Variants in RBFOX1 observed in about 807,000 individuals in gnomAD.
The protein encoded by RBFOX1 is RNA binding fox-1 homolog 1, also known as RNA binding protein fox-1 homolog 1.
RBFOX1 carries 8 observed loss-of-function variants against 57.7 expected under a neutral mutation model. That is an observed-to-expected ratio of 0.14 (90% CI 0.08 to 0.25). RBFOX1 has a LOEUF of 0.25. RBFOX1 is among the 10% of genes least tolerant of loss of function. The pLI, the probability that RBFOX1 is intolerant of heterozygous loss-of-function variation, is 1.00. For synonymous variants in RBFOX1, 326 were observed against 222.4 expected, an observed-to-expected ratio of 1.47 and a Z score of -4.15; for missense variants, 611 against 548.5, an observed-to-expected ratio of 1.11 and a Z score of -1.14.
chr16:6,283,853 T>C (rs1402932979), intron 1 of RBFOX1, among the ~76,000 whole-genome samples: 1 of 152,224 alleles, frequency 6.6e-6, no homozygotes, highest in Non-Finnish European at 1.5e-5. Flanking sequence ...AATGGCACTT[T>C]TAATTTATTT....
chr16:6,747,628 C>T lies in RBFOX1; in HGVS notation c.-16+92978C>T, dbSNP rs145907884. On this transcript the variant is annotated intron_variant, in intron 3 of 15. Coordinates refer to ENST00000550418, the MANE Select transcript of RBFOX1 (RefSeq NM_018723.4). ...TCTTTAAACATCTCAGATATTGTCT[C>T]TTGTATAAAAAGTAAAAGTTGCTAT... 1.3e-5 allele frequency among the ~76,000 whole-genome samples: 2 copies of T among 152,226 alleles called. 1 individual carries two copies. Among genetic ancestry groups the T allele is most frequent in the South Asian group, 4.1e-4 (2 of 4,822 alleles).
chr16:6,901,181 T>C (rs1314875047), intron 3 of RBFOX1, among the ~76,000 whole-genome samples: 1 of 152,118 alleles, frequency 6.6e-6, no homozygotes, highest in Non-Finnish European at 1.5e-5. Flanking sequence ...CTAACATAGG[T>C]ATTCAATAAA....
At chr16:5,820,773 G>A (rs1437762742) in intron 3 of RBFOX1, among the ~76,000 whole-genome samples, 1 of 152,096 alleles carries the variant, frequency 6.6e-6, no homozygotes, top group Non-Finnish European at 1.5e-5. Flanking sequence ...GCCTCACAGG[G>A]GTTTAAGACG....
intron 3 of RBFOX1, among the ~76,000 whole-genome samples, chr16:6,658,614 C>T (rs1339071440): frequency 6.6e-6 from 1 of 152,146 alleles, no homozygotes; most frequent in African/African-American, 2.4e-5. Flanking sequence ...TTATCCTCTC[C>T]TGTTTTTCTA....
At chr16:7,213,780 T>C (rs1269500013) in intron 4 of RBFOX1, among the ~76,000 whole-genome samples, 1 of 152,164 alleles carries the variant, frequency 6.6e-6, no homozygotes, top group Admixed American at 6.5e-5. Flanking sequence ...ATAAACCAAC[T>C]CAAATCTACT....
intron 1 of RBFOX1, among the ~76,000 whole-genome samples, chr16:5,461,900 A>G (rs2068799031): frequency 1.3e-5 from 2 of 152,290 alleles, no homozygotes; most frequent in South Asian, 4.2e-4. Context: ...AAGAGAAGGG[A>G]CAAGGGGTAG....
Position 7,428,498 on chromosome 16 carries a change from TTA to T in RBFOX1, c.28-89647_28-89646del, listed in dbSNP as rs2098645442. On this transcript the variant is annotated intron_variant, in intron 4 of 15. Transcript: ENST00000550418. ...TCCACTACCACTCCTGGCTATTTTA[TTA>T]TTATTATTATTATTATTATTATTAT... 3.2e-4 allele frequency among the ~76,000 whole-genome samples: 32 copies of T among 100,822 alleles called. No homozygotes were observed. In the South Asian group the frequency reaches 3.7e-3, roughly 12 times the overall value. The allele number at this position is 100,822 out of a possible 152,430, so 66.1% of individuals were successfully genotyped here. A position where few individuals can be genotyped will look rare whatever the true frequency, so the allele number is the denominator to read the frequency against.
At chr16:5,979,561 C>G (rs7194775) in intron 4 of RBFOX1, among the ~76,000 whole-genome samples, 1 of 152,054 alleles carries the variant, frequency 6.6e-6, no homozygotes, top group South Asian at 2.1e-4. Context: ...AGTTTCACCA[C>G]GTAGAAATTA....
chr16:6,332,851 A>C (rs1475973482), intron 2 of RBFOX1, among the ~76,000 whole-genome samples: 1 of 152,234 alleles, frequency 6.6e-6, no homozygotes, highest in African/African-American at 2.4e-5. Context: ...TGTAGAGATG[A>C]ATCCTTCATT....
At chr16:6,795,759 C>G (rs930133465) in intron 3 of RBFOX1, among the ~76,000 whole-genome samples, 1 of 146,480 alleles carries the variant, frequency 6.8e-6, no homozygotes, top group African/African-American at 2.7e-5. Context: ...GAGTGAAACT[C>G]CATCTAAAAA....
At chr16:6,061,230 A>G (rs1417786898) in intron 1 of RBFOX1, among the ~76,000 whole-genome samples, 1 of 152,168 alleles carries the variant, frequency 6.6e-6, no homozygotes, top group African/African-American at 2.4e-5. Flanking sequence ...GCAATTGATT[A>G]ATAGATCTAG....
At chr16:7,426,294 A>G (rs969802153) in intron 4 of RBFOX1, among the ~76,000 whole-genome samples, 9 of 152,130 alleles carry the variant, frequency 5.9e-5, no homozygotes, top group Admixed American at 2.6e-4. Flanking sequence ...AATCCTTACT[A>G]GCAATTTGCC....
chr16:6,579,797 G>C (rs947450278), intron 2 of RBFOX1, among the ~76,000 whole-genome samples: 4 of 151,890 alleles, frequency 2.6e-5, no homozygotes, highest in Non-Finnish European at 5.9e-5. Context: ...TGTTGCCCAG[G>C]GTGGTCTCAA....
chr16:6,499,138 G>C (rs1049101836), intron 2 of RBFOX1, among the ~76,000 whole-genome samples: 3 of 152,184 alleles, frequency 2.0e-5, no homozygotes, highest in Non-Finnish European at 4.4e-5. Context: ...GGCAGCCTTT[G>C]TTTACTGTGG....
chr16:7,573,884 C>T (rs2093047005), intron 5 of RBFOX1, among the ~76,000 whole-genome samples: 3 of 151,876 alleles, frequency 2.0e-5, no homozygotes, highest in Admixed American at 2.0e-4. Context: ...GAGATTACTT[C>T]CCACTAAGCT....
intron 2 of RBFOX1, among the ~76,000 whole-genome samples, chr16:6,646,375 A>G (rs74504369): frequency 6.6e-5 from 10 of 152,256 alleles, no homozygotes; most frequent in Non-Finnish European, 1.3e-4. Context: ...AAAATCCAGC[A>G]TGGGTTTAGT....
chr16:6,576,275 C>A (rs990638317), intron 2 of RBFOX1, among the ~76,000 whole-genome samples: 1 of 152,178 alleles, frequency 6.6e-6, no homozygotes, highest in Non-Finnish European at 1.5e-5. Flanking sequence ...TGTGCTGACA[C>A]ACACACTCAC....
intron 1 of RBFOX1, among the ~76,000 whole-genome samples, chr16:5,388,632 C>T (rs538294737): frequency 4.6e-5 from 7 of 151,970 alleles, no homozygotes; most frequent in African/African-American, 7.2e-5. Context: ...GCTAGAGTGG[C>T]GTGGTATGAT....
intron 5 of RBFOX1, among the ~76,000 whole-genome samples, chr16:7,526,420 C>T (rs556066883): frequency 1.6e-3 from 238 of 152,254 alleles, no homozygotes; most frequent in Non-Finnish European, 2.2e-3. Context: ...TGCTTACAAG[C>T]GGAAGGAGCT....
Sources: allele counts gnomAD v4.1 joint callset (sites outside exome capture counted in the v4.1 genomes callset), GRCh38; gene constraint gnomAD v4.1.1; transcripts MANE v1.5; gene names NCBI Gene and HGNC (gene_info 2026-07-23, HGNC 2026-07-21).